The following DLG2 variants were observed in gnomAD, a reference collection of about 807,000 sequenced individuals.
The protein encoded by DLG2 is discs large MAGUK scaffold protein 2.
In DLG2, 45 loss-of-function variants were observed where a neutral mutation model predicts 132.5. That is an observed-to-expected ratio of 0.34 (90% CI 0.27 to 0.44). The LOEUF (loss-of-function observed/expected upper bound fraction) is 0.44, where lower values mean the gene tolerates loss of function less well. Among genes scored for constraint, DLG2 ranks in the 20% least tolerant of loss-of-function variants. The pLI is 1.00. For missense variants in DLG2, 1,045 were observed against 1,196.9 expected, an observed-to-expected ratio of 0.87 and a Z score of 1.87; for synonymous variants, 424 against 419.6, an observed-to-expected ratio of 1.01 and a Z score of -0.13.
intron 16 of DLG2, among the ~76,000 whole-genome samples, chr11:83,835,355 AGGC>A (rs1467187286): frequency 2.0e-5 from 3 of 152,186 alleles, no homozygotes; most frequent in African/African-American, 7.2e-5. Flanking sequence ...AGAGAAAAAA[AGGC>A]AGAGCAGTGT....
At chr11:84,227,419 A>G (rs1383957739) in intron 8 of DLG2, among the ~76,000 whole-genome samples, 1 of 152,194 alleles carries the variant, frequency 6.6e-6, no homozygotes, top group Non-Finnish European at 1.5e-5. Context: ...AGTGTATATC[A>G]TGGAAAACTG....
intron 3 of DLG2, among the ~76,000 whole-genome samples, chr11:85,470,179 C>A (rs1597630969): frequency 2.8e-5 from 4 of 144,768 alleles, no homozygotes; most frequent in Admixed American, 6.9e-5. Context: ...GGTGAAAAAT[C>A]AGAAAGACAT....
rs577742848 is a variant in DLG2, at chr11:85,415,130, G to A, written c.41-129765C>T. On this transcript the variant is annotated intron_variant, in intron 3 of 27. Transcript: ENST00000376104. ...GCAGTGTTTGGTTTTCTCTTCCTGTGTTAATTAGCTGAGAATGATGGTTTC... is the reference window on the plus strand; with the variant it reads ...GCAGTGTTTGGTTTTCTCTTCCTGTATTAATTAGCTGAGAATGATGGTTTC... Among the ~76,000 whole-genome samples the A allele has an allele frequency of 5.8e-4, 89 of 152,204 alleles. 1 individual carries two copies. In the South Asian group the frequency reaches 0.018, roughly 32 times the overall value.
At chr11:83,511,300 A>G (rs1456737775) in intron 21 of DLG2, among the ~76,000 whole-genome samples, 2 of 152,146 alleles carry the variant, frequency 1.3e-5, no homozygotes, top group African/African-American at 2.4e-5. Flanking sequence ...CCTTGATTGG[A>G]CATGCCATTC....
At chr11:83,803,148 T>C (rs775334381) in intron 17 of DLG2, among the ~76,000 whole-genome samples, 7 of 152,124 alleles carry the variant, frequency 4.6e-5, no homozygotes, top group Non-Finnish European at 8.8e-5. Flanking sequence ...AACATTGCAT[T>C]AATCCATTCA....
intron 6 of DLG2, among the ~76,000 whole-genome samples, chr11:85,023,670 G>T (rs577518432): frequency 1.3e-5 from 2 of 152,062 alleles, no homozygotes; most frequent in South Asian, 4.2e-4. Context: ...GAAGTATATT[G>T]TACCTATATA....
chr11:84,313,275 G>A (rs542284425), intron 7 of DLG2, among the ~76,000 whole-genome samples: 6 of 151,596 alleles, frequency 4.0e-5, no homozygotes, highest in South Asian at 2.1e-4. Flanking sequence ...CCACTACGCC[G>A]GGCTAATTTT....
At chr11:84,766,608 C>T (rs754603443) in intron 6 of DLG2, among the ~76,000 whole-genome samples, 1 of 152,042 alleles carries the variant, frequency 6.6e-6, no homozygotes, top group Non-Finnish European at 1.5e-5. Flanking sequence ...AATTAACCGA[C>T]TTACTGGATC....
chr11:83,717,607 G>T (rs555209537), intron 18 of DLG2, among the ~76,000 whole-genome samples: 2 of 152,178 alleles, frequency 1.3e-5, no homozygotes, highest in Non-Finnish European at 2.9e-5. Context: ...TAGCTGTCAC[G>T]ACAGTTGATT....
intron 6 of DLG2, among the ~76,000 whole-genome samples, chr11:84,624,907 G>GAGTGC (rs2099619894): frequency 8.5e-6 from 1 of 117,992 alleles, no homozygotes; most frequent in African/African-American, 3.9e-5. Flanking sequence ...GCCCAGGCTG[G>GAGTGC]AGTGCAGTGG....
chr11:83,658,316 T>C (rs1467655267), intron 18 of DLG2, among the ~76,000 whole-genome samples: 1 of 152,206 alleles, frequency 6.6e-6, no homozygotes, highest in Non-Finnish European at 1.5e-5. Flanking sequence ...AAAGTGCTTC[T>C]TTACTGTAAT....
chr11:84,357,352 T>C (rs2098621648), intron 7 of DLG2, among the ~76,000 whole-genome samples: 1 of 152,044 alleles, frequency 6.6e-6, no homozygotes, highest in African/African-American at 2.4e-5. Flanking sequence ...CACAGATGTT[T>C]TGACTCCAAG....
At chr11:83,937,502 C>A in intron 14 of DLG2, among the ~76,000 whole-genome samples, 2 of 80,658 alleles carry the variant, frequency 2.5e-5, no homozygotes, top group South Asian at 1.1e-3. Flanking sequence ...AGTGAGACTC[C>A]ATCTCAAAAA....
chr11:85,505,551 G>A (rs545423833), intron 3 of DLG2, among the ~76,000 whole-genome samples: 1 of 152,282 alleles, frequency 6.6e-6, no homozygotes, highest in Admixed American at 6.5e-5. Context: ...AACCAGCCTT[G>A]CATCCCAGAG....
chr11:85,527,661 G>C (rs558880538), intron 3 of DLG2, among the ~76,000 whole-genome samples: 1 of 152,182 alleles, frequency 6.6e-6, no homozygotes, highest in East Asian at 1.9e-4. Context: ...AAACATACTT[G>C]TGCATCTGTC....
intron 6 of DLG2, among the ~76,000 whole-genome samples, chr11:84,588,518 C>T (rs2099535104): frequency 6.6e-6 from 1 of 152,136 alleles, no homozygotes; most frequent in Admixed American, 6.6e-5. Context: ...AGGACACACT[C>T]AACCTAAGTT....
chr11:84,142,134 T>G (rs931385191), intron 9 of DLG2, among the ~76,000 whole-genome samples: 1 of 151,742 alleles, frequency 6.6e-6, no homozygotes, highest in Non-Finnish European at 1.5e-5. Flanking sequence ...AAACCACATC[T>G]CTACTAAAAA....
At chr11:83,824,899 C>A (rs2052051478) in intron 17 of DLG2, among the ~76,000 whole-genome samples, 2 of 151,936 alleles carry the variant, frequency 1.3e-5, no homozygotes, top group Middle Eastern at 3.4e-3. Flanking sequence ...TTTCACTGCA[C>A]CTTGCTAAGT....
chr11:85,045,936 A>C (rs2062302485), intron 6 of DLG2, among the ~76,000 whole-genome samples: 1 of 152,048 alleles, frequency 6.6e-6, no homozygotes, highest in South Asian at 2.1e-4. Context: ...TGTCACTGAA[A>C]AATACGTCTC....
Sources: allele counts gnomAD v4.1 joint callset (sites outside exome capture counted in the v4.1 genomes callset), GRCh38; gene constraint gnomAD v4.1.1; transcripts MANE v1.5; gene names NCBI Gene and HGNC (gene_info 2026-07-23, HGNC 2026-07-21).